CSMD1: variants seen among roughly 807,000 people sequenced by gnomAD.
CSMD1 encodes CUB and Sushi multiple domains 1.
A neutral mutation model predicts 417.5 loss-of-function variants in CSMD1; 213 were observed. The ratio of observed to expected loss-of-function variants is 0.51; its 90% CI spans 0.46 to 0.57. CSMD1 has a LOEUF of 0.57. CSMD1 is among the 20% of genes least tolerant of loss of function. The pLI, the probability that CSMD1 is intolerant of heterozygous loss-of-function variation, is 0.00. For missense variants in CSMD1, 6,923 were observed against 4,529.7 expected, an observed-to-expected ratio of 1.53 and a Z score of -15.17; for synonymous variants, 2,862 against 1,736.8, an observed-to-expected ratio of 1.65 and a Z score of -16.11.
At chr8:3,712,163 A>G (rs375970914) in intron 6 of CSMD1, among the ~76,000 whole-genome samples, 1 of 29,620 alleles carries the variant, frequency 3.4e-5, no homozygotes, top group African/African-American at 1.0e-4. Context: ...TCAAGTTACT[A>G]CGTTCTCTTA....
chr8:3,387,295 T>C (rs1386048446), intron 18 of CSMD1, among the ~76,000 whole-genome samples, 199 bp downstream of exon 18: 1 of 152,190 alleles, frequency 6.6e-6, no homozygotes, highest in Non-Finnish European at 1.5e-5. Context: ...AGGACAGTTG[T>C]TCTATCTAGT....
At chr8:4,890,545 C>T (rs777022867) in intron 1 of CSMD1, among the ~76,000 whole-genome samples, 1 of 148,954 alleles carries the variant, frequency 6.7e-6, no homozygotes, top group Non-Finnish European at 1.5e-5. Flanking sequence ...ACCCTCCTCT[C>T]CTTCAGGTCC....
chr8:4,197,468 T>C (rs190779322), intron 3 of CSMD1, among the ~76,000 whole-genome samples: 1 of 152,174 alleles, frequency 6.6e-6, no homozygotes, highest in Admixed American at 6.5e-5. Context: ...GTTTCATCAC[T>C]TGAAGGCCTC....
chr8:3,014,063 G>GA (rs1808635803), intron 52 of CSMD1, among the ~76,000 whole-genome samples: 1 of 152,044 alleles, frequency 6.6e-6, no homozygotes, highest in South Asian at 2.1e-4. Flanking sequence ...TCTACTCTGA[G>GA]AAAAATTTTA....
At chr8:3,303,989 A>G (rs1804615650) in intron 25 of CSMD1, among the ~76,000 whole-genome samples, 1 of 152,018 alleles carries the variant, frequency 6.6e-6, no homozygotes. Flanking sequence ...ACCTCAAACA[A>G]AGAGGAATAG....
At chr8:3,432,196 G>T (rs1361943782) in intron 12 of CSMD1, among the ~76,000 whole-genome samples, 1 of 152,064 alleles carries the variant, frequency 6.6e-6, no homozygotes, top group Non-Finnish European at 1.5e-5. Flanking sequence ...ATCAGGAAGA[G>T]GCATGGGTAG....
intron 3 of CSMD1, among the ~76,000 whole-genome samples, chr8:4,219,201 T>C (rs1313192889): frequency 6.6e-6 from 1 of 152,226 alleles, no homozygotes; most frequent in Non-Finnish European, 1.5e-5. Context: ...GAATTTCTGC[T>C]GTAAAATTAT....
intron 1 of CSMD1, among the ~76,000 whole-genome samples, chr8:4,885,931 G>A (rs1296755846): frequency 6.6e-6 from 1 of 151,934 alleles, no homozygotes; most frequent in South Asian, 2.1e-4. Flanking sequence ...TTCTTTGTAA[G>A]GATTTTATCA....
chr8:3,758,208 A>T (rs907086203), intron 5 of CSMD1, among the ~76,000 whole-genome samples: 10 of 151,960 alleles, frequency 6.6e-5, no homozygotes, highest in Non-Finnish European at 1.5e-4. Context: ...AGGTGATCCA[A>T]CCCCATCATC....
chr8:4,283,058 A>C (rs531596301), intron 3 of CSMD1, among the ~76,000 whole-genome samples: 14 of 152,280 alleles, frequency 9.2e-5, no homozygotes, highest in Non-Finnish European at 1.8e-4. Context: ...TGATAGTTAG[A>C]AACAGACTGT....
intron 3 of CSMD1, among the ~76,000 whole-genome samples, chr8:4,260,830 C>G (rs923839967): frequency 7.2e-5 from 11 of 152,146 alleles, no homozygotes; most frequent in African/African-American, 2.2e-4. Flanking sequence ...TTATGACACT[C>G]TTTGTCTCCA....
At chr8:4,506,941 G>A (rs941402034) in intron 2 of CSMD1, among the ~76,000 whole-genome samples, 1 of 152,096 alleles carries the variant, frequency 6.6e-6, no homozygotes, top group African/African-American at 2.4e-5. Flanking sequence ...AAAATATAAG[G>A]AGAAAGGTGA....
chr8:4,411,904 A>C (rs563803159), intron 3 of CSMD1, among the ~76,000 whole-genome samples: 11 of 152,184 alleles, frequency 7.2e-5, no homozygotes, highest in Admixed American at 3.9e-4. Context: ...TTCTGAGGTC[A>C]ATACACATAG....
chr8:4,462,918 AGATAT>A (rs1319921245), intron 2 of CSMD1, among the ~76,000 whole-genome samples: 5 of 152,232 alleles, frequency 3.3e-5, no homozygotes, highest in African/African-American at 7.2e-5. Context: ...AAGTCTTCTT[AGATAT>A]GACATCAAAA....
chr8:4,946,384 A>G (rs1808370396), intron 1 of CSMD1, among the ~76,000 whole-genome samples: 1 of 152,156 alleles, frequency 6.6e-6, no homozygotes, highest in African/African-American at 2.4e-5. Flanking sequence ...CCACCTAGTG[A>G]TGAAGGAACT....
At chr8:3,879,692 G>A (rs1335846881) in intron 5 of CSMD1, among the ~76,000 whole-genome samples, 1 of 151,720 alleles carries the variant, frequency 6.6e-6, no homozygotes, top group Non-Finnish European at 1.5e-5. Context: ...ATAGTTCTCA[G>A]AAAAAAATGA....
intron 3 of CSMD1, among the ~76,000 whole-genome samples, chr8:4,156,459 A>G (rs1412988232): frequency 6.6e-6 from 1 of 151,960 alleles, no homozygotes; most frequent in Non-Finnish European, 1.5e-5. Context: ...ATTGGTGCTA[A>G]CTCTTTTATT....
chr8:4,427,965 T>C (rs918916371), intron 2 of CSMD1, among the ~76,000 whole-genome samples: 5 of 152,200 alleles, frequency 3.3e-5, no homozygotes, highest in African/African-American at 1.2e-4. Flanking sequence ...TTTTTCTGAC[T>C]CCTTGCTGTG....
At chr8:4,782,503 T>C (rs1236109887) in intron 1 of CSMD1, among the ~76,000 whole-genome samples, 5 of 152,178 alleles carry the variant, frequency 3.3e-5, no homozygotes, top group Admixed American at 6.5e-5. Context: ...GAATTGTAGA[T>C]TTTGGTCTAT....
Sources: allele counts gnomAD v4.1 joint callset (sites outside exome capture counted in the v4.1 genomes callset), GRCh38; gene constraint gnomAD v4.1.1; transcripts MANE v1.5; gene names NCBI Gene and HGNC (gene_info 2026-07-23, HGNC 2026-07-21).